The following FAM135A variants were observed in gnomAD, a reference collection of about 807,000 sequenced individuals.
FAM135A encodes protein FAM135A.
Under a neutral mutation model 146.8 loss-of-function variants are expected in FAM135A, and 79 were observed. That is an observed-to-expected ratio of 0.54 (90% CI 0.45 to 0.65). The LOEUF is 0.65. Ranked by LOEUF, FAM135A falls within the 30% of genes least tolerant of loss-of-function variation. The probability of loss-of-function intolerance (pLI) is 0.00; values close to 1 mark genes in which losing one functional copy is unlikely to be tolerated. For synonymous variants in FAM135A, 562 were observed against 603.6 expected, an observed-to-expected ratio of 0.93 and a Z score of 1.01; for missense variants, 1,623 against 1,758.2, an observed-to-expected ratio of 0.92 and a Z score of 1.38.
At chr6:70,532,979 T>C (rs1450876333) in intron 16 of FAM135A, among the ~76,000 whole-genome samples, 181 bp from the exon 17 acceptor site, 1 of 152,056 alleles carries the variant, frequency 6.6e-6, no homozygotes, top group Admixed American at 6.5e-5. Context: ...TGAATTGACA[T>C]TGCCTGGCTA....
At chr6:70,539,596 C>T (rs567299814) in intron 20 of FAM135A, among the ~76,000 whole-genome samples, 10 of 152,286 alleles carry the variant, frequency 6.6e-5, no homozygotes, top group African/African-American at 2.4e-4. Flanking sequence ...CATTACTCCT[C>T]CACTGTTATA....
intron 2 of FAM135A, chr6:70,417,488 C>T (rs933782069): frequency 3.8e-6 from 2 of 524,482 alleles, no homozygotes; most frequent in Non-Finnish European, 4.9e-6. Flanking sequence ...GCTGGGATTA[C>T]AGGCATGAAC....
chr6:70,469,317 G>C (rs1781111236), intron 5 of FAM135A, among the ~76,000 whole-genome samples: 1 of 152,150 alleles, frequency 6.6e-6, no homozygotes. Context: ...TCTGGTTTGA[G>C]AATAAAATTA....
intron 10 of FAM135A, 139 bp downstream of exon 10, chr6:70,482,293 C>A: frequency 1.3e-6 from 1 of 758,166 alleles, no homozygotes; most frequent in Non-Finnish European, 1.9e-6. Flanking sequence ...TCAATTCCAT[C>A]TTTTTCTACC....
intron 4 of FAM135A, among the ~76,000 whole-genome samples, chr6:70,435,351 C>G (rs1384098422): frequency 1.3e-5 from 2 of 151,890 alleles, no homozygotes; most frequent in Non-Finnish European, 1.5e-5. Context: ...GTGATCCGCC[C>G]TCCTCGGCCT....
intron 10 of FAM135A, among the ~76,000 whole-genome samples, chr6:70,487,657 GTAT>G (rs765145777): frequency 6.6e-6 from 1 of 152,046 alleles, no homozygotes; most frequent in Non-Finnish European, 1.5e-5. Flanking sequence ...CTGGAACATA[GTAT>G]TATATTCTCA....
rs1325109628 is a variant in FAM135A, at chr6:70,533,261, G to A, written c.3867+10G>A. 1 of 1,600,492 alleles carries A rather than the reference G, an allele frequency of 6.2e-7. No individual in the cohort carries two copies. Among genetic ancestry groups the A allele is most frequent in the Non-Finnish European group, 8.5e-7 (1 of 1,172,890 alleles). On this transcript the variant is annotated intron_variant, in intron 17 of 21. Transcript: ENST00000418814. The stretch of plus-strand genomic sequence containing the variant: ...GTCTGAGAGAAATCAGGTACAATAT[G>A]ACAGTGTTTTCAGTGAAAACAAACA...
chr6:70,434,410 G>T (rs1489801870), intron 4 of FAM135A, among the ~76,000 whole-genome samples: 1 of 152,214 alleles, frequency 6.6e-6, no homozygotes, highest in Non-Finnish European at 1.5e-5. Context: ...ATTCTCAGTA[G>T]CTTGTCTGCA....
intron 5 of FAM135A, among the ~76,000 whole-genome samples, chr6:70,461,951 G>A (rs1779524690): frequency 6.6e-6 from 1 of 152,144 alleles, no homozygotes; most frequent in Non-Finnish European, 1.5e-5. Flanking sequence ...CTAGTACCAT[G>A]CTCAGTAAAT....
At chr6:70,424,031 C>T (rs897005896) in intron 2 of FAM135A, among the ~76,000 whole-genome samples, 1 of 152,226 alleles carries the variant, frequency 6.6e-6, no homozygotes, top group African/African-American at 2.4e-5. Flanking sequence ...AAACTCTTTT[C>T]ATGAGAATGA....
At chr6:70,419,143 A>G (rs910779326) in intron 2 of FAM135A, among the ~76,000 whole-genome samples, 1 of 152,230 alleles carries the variant, frequency 6.6e-6, no homozygotes, top group African/African-American at 2.4e-5. Flanking sequence ...TGTTTTGGCC[A>G]GGCATGGTGG....
chr6:70,476,879 T>A (rs977459820), intron 7 of FAM135A, among the ~76,000 whole-genome samples: 4 of 152,080 alleles, frequency 2.6e-5, no homozygotes, highest in African/African-American at 9.7e-5. Context: ...ATGAGATTAA[T>A]TCCTGAAGTA....
intron 20 of FAM135A, among the ~76,000 whole-genome samples, chr6:70,542,438 C>T (rs2128452013): frequency 6.6e-6 from 1 of 152,092 alleles, no homozygotes. Context: ...ATTCTGTTTA[C>T]CTTCTAAAAT....
At chr6:70,479,487 C>T (rs1443739795) in intron 8 of FAM135A, among the ~76,000 whole-genome samples, 1 of 152,168 alleles carries the variant, frequency 6.6e-6, no homozygotes, top group Non-Finnish European at 1.5e-5. Context: ...ATATCTAACA[C>T]TGTTGCTGCT....
chr6:70,464,769 C>T (rs1302583891), intron 5 of FAM135A, among the ~76,000 whole-genome samples: 2 of 142,996 alleles, frequency 1.4e-5, no homozygotes, highest in Admixed American at 7.3e-5. Flanking sequence ...CCAGTTCAAG[C>T]GATTCGCCCA....
In FAM135A at chr6:70,525,420, T is replaced by C. The variant is rs1794504314; in HGVS notation, c.2336T>C (p.Phe779Ser). 1.9e-6 allele frequency: 3 copies of C among 1,613,738 alleles called. No individual in the cohort carries two copies. The highest frequency in any genetic ancestry group is 2.5e-6 in the Non-Finnish European group (3 of 1,179,696). The stretch of plus-strand genomic sequence containing the variant: ...GGTGTTGAAAGTGAACCGAGTTCTT[T>C]TGCGACACATCCAAACACTGATTTA... ...DSGVESEPSS[F>S]ATHPNTDLVF... The change falls in exon 15 of 22, where the codon TTT becomes TCT. Residue 779 changes from phenylalanine (F) to serine (S), a missense_variant. Physicochemically the swap from Phe to Ser is radical, Grantham distance 155. Transcript: ENST00000418814.
chr6:70,446,947 T>A (rs1156299847), intron 4 of FAM135A, among the ~76,000 whole-genome samples: 1 of 152,242 alleles, frequency 6.6e-6, no homozygotes, highest in Non-Finnish European at 1.5e-5. Flanking sequence ...AAATCTCTCC[T>A]CCATAAATTT....
intron 20 of FAM135A, among the ~76,000 whole-genome samples, chr6:70,555,496 T>TC (rs1229244883): frequency 6.6e-6 from 1 of 151,624 alleles, no homozygotes; most frequent in Admixed American, 6.6e-5. Context: ...CAGGCAATTT[T>TC]CCCCCCTCGA....
intron 11 of FAM135A, among the ~76,000 whole-genome samples, chr6:70,499,698 C>T (rs1335199354): frequency 6.6e-6 from 1 of 152,102 alleles, no homozygotes; most frequent in Non-Finnish European, 1.5e-5. Flanking sequence ...TCAGCATTTC[C>T]TTGTCTGTAA....
Sources: allele counts gnomAD v4.1 joint callset (sites outside exome capture counted in the v4.1 genomes callset), GRCh38; gene constraint gnomAD v4.1.1; transcripts MANE v1.5; gene names NCBI Gene and HGNC (gene_info 2026-07-23, HGNC 2026-07-21).